DLG2: variants seen among roughly 807,000 people sequenced by gnomAD.
DLG2 encodes the protein disks large homolog 2.
In DLG2, 45 loss-of-function variants were observed where a neutral mutation model predicts 132.5. That is an observed-to-expected ratio of 0.34 (90% CI 0.27 to 0.44). The LOEUF (loss-of-function observed/expected upper bound fraction) is 0.44. Among genes scored for constraint, DLG2 ranks in the 20% least tolerant of loss-of-function variants. The probability of loss-of-function intolerance (pLI) is 1.00; values close to 1 mark genes in which losing one functional copy is unlikely to be tolerated. For missense variants in DLG2, 1,045 were observed against 1,196.9 expected, an observed-to-expected ratio of 0.87 and a Z score of 1.87; for synonymous variants, 424 against 419.6, an observed-to-expected ratio of 1.01 and a Z score of -0.13.
chr11:84,493,007 C>T (rs184745499), intron 7 of DLG2, among the ~76,000 whole-genome samples: 5 of 151,978 alleles, frequency 3.3e-5, no homozygotes, highest in Admixed American at 2.6e-4. Flanking sequence ...AATGAAATGG[C>T]CATTGGGTAT....
chr11:84,957,281 T>C (rs76001873), intron 6 of DLG2, among the ~76,000 whole-genome samples: 2,990 of 152,340 alleles, frequency 0.02, 55 homozygotes, highest in Admixed American at 0.042. Flanking sequence ...CAGTATATTT[T>C]GCTGTATCAT....
intron 11 of DLG2, among the ~76,000 whole-genome samples, chr11:83,996,466 T>C (rs764487278): frequency 1.3e-5 from 2 of 152,062 alleles, no homozygotes; most frequent in Non-Finnish European, 2.9e-5. Context: ...CGATCCTACT[T>C]ATGGCTACCG....
At chr11:84,207,174 C>A (rs912430995) in intron 8 of DLG2, among the ~76,000 whole-genome samples, 1 of 151,458 alleles carries the variant, frequency 6.6e-6, no homozygotes, top group African/African-American at 2.4e-5. Context: ...AAATATACCA[C>A]GCTTATGGGC....
chr11:84,249,170 TC>T (rs1277175413), intron 8 of DLG2, among the ~76,000 whole-genome samples: 2 of 152,234 alleles, frequency 1.3e-5, no homozygotes, highest in African/African-American at 4.8e-5. Context: ...AAATCAGCTC[TC>T]TGTGCTCCAG....
chr11:84,231,348 G>A (rs2097091051), intron 8 of DLG2, among the ~76,000 whole-genome samples: 1 of 151,990 alleles, frequency 6.6e-6, no homozygotes, highest in Non-Finnish European at 1.5e-5. Flanking sequence ...TACATGAGGG[G>A]AAAAAAATCA....
At chr11:83,660,464 C>T (rs897467281) in intron 18 of DLG2, among the ~76,000 whole-genome samples, 2 of 152,208 alleles carry the variant, frequency 1.3e-5, no homozygotes, top group African/African-American at 4.8e-5. Flanking sequence ...TTTGATGCCA[C>T]TGAACCCCCA....
intron 7 of DLG2, among the ~76,000 whole-genome samples, chr11:84,406,796 T>G (rs1418496024): frequency 1.3e-5 from 2 of 152,224 alleles, no homozygotes; most frequent in Non-Finnish European, 2.9e-5. Flanking sequence ...TTCCCTGTTT[T>G]TCAATATCCT....
chr11:85,517,334 T>C (rs2094189314), intron 3 of DLG2, among the ~76,000 whole-genome samples: 1 of 152,130 alleles, frequency 6.6e-6, no homozygotes, highest in Non-Finnish European at 1.5e-5. Flanking sequence ...TCATACTGAA[T>C]GTGGAAAATT....
At chr11:84,706,881 T>A (rs1386396365) in intron 6 of DLG2, among the ~76,000 whole-genome samples, 1 of 151,748 alleles carries the variant, frequency 6.6e-6, no homozygotes, top group Non-Finnish European at 1.5e-5. Flanking sequence ...TAAACGTAAA[T>A]ACAAAAAGTT....
chr11:85,449,025 CTG>C (rs1375122812), intron 3 of DLG2, among the ~76,000 whole-genome samples: 1 of 152,036 alleles, frequency 6.6e-6, no homozygotes, highest in African/African-American at 2.4e-5. Context: ...CCTCTTTATT[CTG>C]TGTTTTGTTT....
chr11:84,755,947 G>A (rs1243761173), intron 6 of DLG2, among the ~76,000 whole-genome samples: 2 of 152,168 alleles, frequency 1.3e-5, no homozygotes. Flanking sequence ...AACTAGATAT[G>A]TAAAAATGAT....
intron 8 of DLG2, among the ~76,000 whole-genome samples, chr11:84,229,427 TCTGA>T (rs773982238): frequency 3.3e-5 from 5 of 152,226 alleles, no homozygotes; most frequent in Admixed American, 6.5e-5. Flanking sequence ...GGTCAATATT[TCTGA>T]CTAATATTTT....
intron 7 of DLG2, among the ~76,000 whole-genome samples, chr11:84,510,593 T>A (rs1427872979): frequency 6.6e-6 from 1 of 152,132 alleles, no homozygotes; most frequent in African/African-American, 2.4e-5. Flanking sequence ...CATAGAATTG[T>A]TGTGAGGAAT....
At chr11:84,868,964 T>C (rs907326708) in intron 6 of DLG2, among the ~76,000 whole-genome samples, 1 of 152,174 alleles carries the variant, frequency 6.6e-6, no homozygotes, top group Non-Finnish European at 1.5e-5. Context: ...GACTAAACTA[T>C]GTCAAGCTAG....
chr11:84,326,474 C>T (rs1328231797), intron 7 of DLG2, among the ~76,000 whole-genome samples: 3 of 152,018 alleles, frequency 2.0e-5, no homozygotes. Flanking sequence ...GTTTTGATTT[C>T]TTCTTTGACC....
intron 4 of DLG2, among the ~76,000 whole-genome samples, chr11:85,265,184 T>C (rs564663186): frequency 1.2e-4 from 19 of 152,320 alleles, no homozygotes; most frequent in Non-Finnish European, 5.9e-5. Flanking sequence ...ATCTATATTA[T>C]GACATCATAT....
intron 11 of DLG2, among the ~76,000 whole-genome samples, chr11:84,020,807 G>A (rs1016285248): frequency 6.6e-6 from 1 of 152,138 alleles, no homozygotes. Flanking sequence ...AAATTAGAAC[G>A]ATTGCCATTA....
At chr11:83,977,503 G>A (rs2092379328) in intron 12 of DLG2, among the ~76,000 whole-genome samples, 1 of 152,010 alleles carries the variant, frequency 6.6e-6, no homozygotes, top group Admixed American at 6.6e-5. Flanking sequence ...CATACACCAA[G>A]GAAGAATTTA....
intron 19 of DLG2, among the ~76,000 whole-genome samples, chr11:83,547,502 C>T (rs1331854877): frequency 2.0e-5 from 3 of 152,052 alleles, no homozygotes; most frequent in Non-Finnish European, 4.4e-5. Context: ...ACTTGACCCA[C>T]CACTGCTGGC....
Sources: gnomAD v4.1 joint callset for allele counts (sites outside exome capture counted in the v4.1 genomes callset) on GRCh38, gnomAD v4.1.1 for gene constraint, MANE v1.5 for transcripts, NCBI Gene and HGNC (gene_info 2026-07-23, HGNC 2026-07-21) for gene names.